Variants in CDKAL1 observed in about 807,000 individuals in gnomAD.
The protein encoded by CDKAL1 is threonylcarbamoyladenosine tRNA methylthiotransferase.
In CDKAL1, 32 loss-of-function variants were observed where a neutral mutation model predicts 68.2. That is an observed-to-expected ratio of 0.47 (90% CI 0.35 to 0.63). CDKAL1 has a LOEUF of 0.63. Ranked by LOEUF, CDKAL1 falls within the 30% of genes least tolerant of loss-of-function variation. The pLI, the probability that CDKAL1 is intolerant of heterozygous loss-of-function variation, is 0.00. For synonymous variants in CDKAL1, 234 were observed against 244.3 expected, an observed-to-expected ratio of 0.96 and a Z score of 0.39; for missense variants, 606 against 696.7, an observed-to-expected ratio of 0.87 and a Z score of 1.47.
intron 11 of CDKAL1, among the ~76,000 whole-genome samples, chr6:21,027,952 T>A (rs1460734769): frequency 6.6e-6 from 1 of 152,054 alleles, no homozygotes; most frequent in Non-Finnish European, 1.5e-5. Flanking sequence ...GAGGTGGAGC[T>A]CACTTGGCCC....
At position 20,534,500 on chromosome 6, in the gene CDKAL1, A is replaced by G. The variant is rs1040618444; in HGVS notation, c.-124A>G. The G allele has an allele frequency of 3.9e-5, 6 of 152,788 alleles. No individual in the cohort carries two copies. The highest frequency in any genetic ancestry group is 9.7e-5 in the African/African-American group (4 of 41,440). 9.5% of individuals were successfully genotyped at this position (152,788 alleles called of 1,614,324 possible). ...GTATGTGTCATGGCGCTCTCCATCT[A>G]AAGTCTGTGCAGCTTCCGGAGAGTG... On this transcript the variant is annotated 5_prime_UTR_variant, in exon 1 of 16. It removes the in-frame stop codon of an upstream open reading frame in the 5' UTR. Transcript: ENST00000274695.
chr6:20,541,279 C>T (rs1480788941), intron 2 of CDKAL1, among the ~76,000 whole-genome samples: 3 of 152,170 alleles, frequency 2.0e-5, no homozygotes, highest in Admixed American at 6.5e-5. Context: ...CTGATTTAAG[C>T]CACAGGCTCG....
chr6:21,107,164 G>A (rs1458477324), intron 12 of CDKAL1, among the ~76,000 whole-genome samples: 4 of 151,908 alleles, frequency 2.6e-5, no homozygotes, highest in African/African-American at 9.7e-5. Context: ...AGCCAGGATG[G>A]TCTCGATCTC....
chr6:20,931,010 T>C (rs1284822329), intron 9 of CDKAL1, among the ~76,000 whole-genome samples: 1 of 152,164 alleles, frequency 6.6e-6, no homozygotes, highest in Non-Finnish European at 1.5e-5. Flanking sequence ...CCCAAAATGC[T>C]GGGATTACAG....
At chr6:21,087,069 T>G (rs1053538108) in intron 12 of CDKAL1, among the ~76,000 whole-genome samples, 4 of 152,188 alleles carry the variant, frequency 2.6e-5, no homozygotes, top group African/African-American at 9.7e-5. Context: ...TCCATTAATT[T>G]AGTGAACTCT....
chr6:21,202,247 C>T (rs1177121775), intron 15 of CDKAL1, among the ~76,000 whole-genome samples: 1 of 152,074 alleles, frequency 6.6e-6, no homozygotes, highest in African/African-American at 2.4e-5. Flanking sequence ...TCACAAGTGC[C>T]CATGAAGGAT....
intron 12 of CDKAL1, among the ~76,000 whole-genome samples, chr6:21,073,357 C>T (rs9460594): frequency 0.13 from 20,189 of 152,060 alleles, 1,420 homozygotes; most frequent in African/African-American, 0.16. Context: ...AGCGTGATTG[C>T]TGAATTGTAT....
At chr6:20,587,324 A>G (rs1765413976) in intron 4 of CDKAL1, among the ~76,000 whole-genome samples, 1 of 152,154 alleles carries the variant, frequency 6.6e-6, no homozygotes, top group East Asian at 1.9e-4. Flanking sequence ...GTTCGAAGCT[A>G]ACAGATAATA....
At chr6:20,632,775 G>T (rs1482971980) in intron 4 of CDKAL1, among the ~76,000 whole-genome samples, 2 of 152,188 alleles carry the variant, frequency 1.3e-5, no homozygotes, top group South Asian at 4.1e-4. Context: ...AAGACTTAAA[G>T]ATTGCTTAGT....
chr6:20,775,530 A>G (rs532586544), intron 7 of CDKAL1, among the ~76,000 whole-genome samples: 1 of 152,318 alleles, frequency 6.6e-6, no homozygotes, highest in South Asian at 2.1e-4. Flanking sequence ...TAAGTATAGC[A>G]TGTTCATTTT....
At chr6:21,191,330 T>C (rs1342926070) in intron 13 of CDKAL1, among the ~76,000 whole-genome samples, 2 of 152,192 alleles carry the variant, frequency 1.3e-5, no homozygotes, top group Admixed American at 1.3e-4. Context: ...GGCCATATGG[T>C]TAGAACTGAT....
intron 4 of CDKAL1, among the ~76,000 whole-genome samples, chr6:20,626,968 C>T (rs1767459777): frequency 1.3e-5 from 2 of 152,226 alleles, no homozygotes; most frequent in Non-Finnish European, 2.9e-5. Flanking sequence ...CTAGCCTCTA[C>T]TGTAGACGGG....
chr6:20,632,893 T>A (rs1293138277), intron 4 of CDKAL1, among the ~76,000 whole-genome samples: 1 of 152,100 alleles, frequency 6.6e-6, no homozygotes. Flanking sequence ...AGAGAAAGCT[T>A]CCTGGGGGAG....
chr6:21,214,932 A>G (rs1464018352), intron 15 of CDKAL1, among the ~76,000 whole-genome samples: 2 of 152,106 alleles, frequency 1.3e-5, no homozygotes, highest in East Asian at 1.9e-4. Context: ...AGATATATGT[A>G]TACCCCTTAC....
chr6:20,702,531 T>C (rs1771413204), intron 5 of CDKAL1, among the ~76,000 whole-genome samples: 1 of 152,164 alleles, frequency 6.6e-6, no homozygotes, highest in Non-Finnish European at 1.5e-5. Context: ...ATGGTTTTCT[T>C]GTGGATTGGG....
At chr6:20,866,344 T>G (rs192815144) in intron 9 of CDKAL1, among the ~76,000 whole-genome samples, 27 of 152,246 alleles carry the variant, frequency 1.8e-4, no homozygotes, top group Admixed American at 7.2e-4. Flanking sequence ...AAGAAAAGAT[T>G]AGCATCTTAG....
intron 11 of CDKAL1, among the ~76,000 whole-genome samples, chr6:21,022,795 T>C (rs946157532): frequency 1.7e-4 from 26 of 152,192 alleles, no homozygotes; most frequent in Admixed American, 4.6e-4. Flanking sequence ...GTATGTGCTT[T>C]GTGTACTTTC....
intron 4 of CDKAL1, among the ~76,000 whole-genome samples, chr6:20,601,554 C>T (rs12209806): frequency 0.26 from 40,233 of 151,942 alleles, 5,604 homozygotes; most frequent in Middle Eastern, 0.36. Flanking sequence ...GGATTCAGCA[C>T]TCTCAGAGCC....
chr6:20,693,088 C>T lies in CDKAL1; in HGVS notation c.371+43711C>T, dbSNP rs139251904. Among the ~76,000 whole-genome samples, 797 of 147,312 alleles carry T rather than the reference C, an allele frequency of 5.4e-3. 11 individuals are homozygous for T. Among genetic ancestry groups the T allele is most frequent in the African/African-American group, 0.019 (749 of 39,376 alleles). On this transcript the variant is annotated intron_variant, in intron 5 of 15. Transcript: ENST00000274695. ...GAGCTTGCAGTGAGCCGAGGTTGCGCCACTGCACTCCAGCCTGGGCAACAA... is the reference window on the plus strand; with the variant it reads ...GAGCTTGCAGTGAGCCGAGGTTGCGTCACTGCACTCCAGCCTGGGCAACAA...
Sources: gnomAD v4.1 joint callset for allele counts (sites outside exome capture counted in the v4.1 genomes callset) on GRCh38, gnomAD v4.1.1 for gene constraint, MANE v1.5 for transcripts, NCBI Gene and HGNC (gene_info 2026-07-23, HGNC 2026-07-21) for gene names.